The following AKAP6 variants were observed in gnomAD, a reference collection of about 807,000 sequenced individuals.
AKAP6 encodes A-kinase anchoring protein 6.
In AKAP6, 58 loss-of-function variants were observed where a neutral mutation model predicts 188.5. The observed-to-expected ratio is 0.31, with a 90% CI of 0.25 to 0.38. The LOEUF (loss-of-function observed/expected upper bound fraction) is 0.38. AKAP6 is among the 10% of genes least tolerant of loss of function. The pLI, the probability that AKAP6 is intolerant of heterozygous loss-of-function variation, is 1.00. For missense variants in AKAP6, 2,710 were observed against 2,740.0 expected, an observed-to-expected ratio of 0.99 and a Z score of 0.24; for synonymous variants, 989 against 998.6, an observed-to-expected ratio of 0.99 and a Z score of 0.18.
At chr14:32,733,889 G>A (rs1274440101) in intron 10 of AKAP6, 1 of 152,250 alleles carries the variant, frequency 6.6e-6, no homozygotes, top group African/African-American at 2.4e-5. Context: ...GCTTGATAAA[G>A]TAGCGATAAG....
intron 1 of AKAP6, among the ~76,000 whole-genome samples, chr14:32,427,138 T>A (rs1171913031): frequency 2.0e-5 from 3 of 152,194 alleles, no homozygotes; most frequent in African/African-American, 7.2e-5. Context: ...TGACGTGCTG[T>A]TTCCCCCCTG....
chr14:32,608,295 A>G (rs1285493744), intron 7 of AKAP6, among the ~76,000 whole-genome samples: 3 of 151,542 alleles, frequency 2.0e-5, no homozygotes, highest in African/African-American at 7.3e-5. Flanking sequence ...CCATGAGGTC[A>G]GGAGACAAGC....
intron 2 of AKAP6, among the ~76,000 whole-genome samples, chr14:32,520,058 A>T: frequency 6.6e-6 from 1 of 152,236 alleles, no homozygotes. Flanking sequence ...AAAACTGCTC[A>T]ACTACATGGA....
chr14:32,740,704 G>A (rs975898102), intron 11 of AKAP6, among the ~76,000 whole-genome samples: 6 of 151,856 alleles, frequency 4.0e-5, no homozygotes, highest in African/African-American at 1.5e-4. Flanking sequence ...TCATTTTTGG[G>A]TTCTCTGTTC....
intron 9 of AKAP6, among the ~76,000 whole-genome samples, chr14:32,714,823 A>T (rs1409894422): frequency 1.3e-5 from 2 of 151,834 alleles, no homozygotes; most frequent in African/African-American, 4.8e-5. Context: ...ATTGTGGTAC[A>T]CACATTGGTA....
intron 11 of AKAP6, 21 bp downstream of exon 11, chr14:32,735,903 G>T: frequency 1.9e-6 from 3 of 1,549,228 alleles, no homozygotes; most frequent in Non-Finnish European, 2.6e-6. Context: ...AACAATCAAA[G>T]TTGATAAAAA....
At chr14:32,549,571 A>G (rs540566818) in intron 4 of AKAP6, among the ~76,000 whole-genome samples, 12 of 152,336 alleles carry the variant, frequency 7.9e-5, no homozygotes, top group African/African-American at 2.9e-4. Flanking sequence ...CGCCAAGGCA[A>G]TTAGAATTTG....
chr14:32,369,758 G>A (rs775435230), intron 1 of AKAP6, among the ~76,000 whole-genome samples: 2 of 152,180 alleles, frequency 1.3e-5, no homozygotes, highest in African/African-American at 4.8e-5. Flanking sequence ...AAAACAAAAT[G>A]TGTAAGTTCC....
chr14:32,738,872 T>C (rs1433041585), intron 11 of AKAP6, among the ~76,000 whole-genome samples: 1 of 152,112 alleles, frequency 6.6e-6, no homozygotes, highest in Admixed American at 6.6e-5. Context: ...ACAGACAATA[T>C]CTAAATGAAT....
chr14:32,335,429 C>T (rs1486661022), intron 1 of AKAP6, among the ~76,000 whole-genome samples: 6 of 152,118 alleles, frequency 3.9e-5, no homozygotes, highest in African/African-American at 1.4e-4. Flanking sequence ...TTCAGACTCC[C>T]CACTTCCTCC....
Position 32,753,868 on chromosome 14 carries a change from A to G in AKAP6, c.3372+17986A>G, listed in dbSNP as rs79024259. ...TATTTTGGGGCTCTCTCTTCTGTTC[A>G]GTTGGACTACATGTGTTTGTTTTTA... On this transcript the variant is annotated intron_variant, in intron 11 of 13. Transcript: ENST00000280979. Among the ~76,000 whole-genome samples, 1,193 of 152,106 alleles carry G rather than the reference A, an allele frequency of 7.8e-3. 9 individuals are homozygous for G. Among genetic ancestry groups the G allele is most frequent in the African/African-American group, 0.027 (1,134 of 41,524 alleles).
At chr14:32,803,758 C>G (rs1006374560) in intron 12 of AKAP6, among the ~76,000 whole-genome samples, 9 of 152,222 alleles carry the variant, frequency 5.9e-5, no homozygotes, top group African/African-American at 2.2e-4. Flanking sequence ...GAGCTCTAAA[C>G]ACATACATAC....
chr14:32,721,497 A>T (rs2030534291), intron 9 of AKAP6, among the ~76,000 whole-genome samples: 1 of 152,250 alleles, frequency 6.6e-6, no homozygotes, highest in Admixed American at 6.5e-5. Flanking sequence ...TATTTATCAG[A>T]TAAAAAGACT....
At chr14:32,647,609 A>G (rs141539299) in intron 7 of AKAP6, among the ~76,000 whole-genome samples, 1,752 of 152,210 alleles carry the variant, frequency 0.012, 16 homozygotes, top group South Asian at 0.022. Context: ...CTGATAATGA[A>G]TAAGACAGGA....
chr14:32,740,831 G>A (rs553295534), intron 11 of AKAP6, among the ~76,000 whole-genome samples: 63 of 152,056 alleles, frequency 4.1e-4, no homozygotes, highest in Admixed American at 1.6e-3. Flanking sequence ...CCTCAGGATA[G>A]CTTTAGCTAT....
intron 8 of AKAP6, among the ~76,000 whole-genome samples, chr14:32,685,718 C>G (rs1889892507): frequency 7.9e-6 from 1 of 126,056 alleles, no homozygotes; most frequent in African/African-American, 3.0e-5. Flanking sequence ...GAGCGAGACT[C>G]CATCTCAAAA....
At chr14:32,454,080 G>T (rs1891038478) in intron 2 of AKAP6, among the ~76,000 whole-genome samples, 1 of 152,054 alleles carries the variant, frequency 6.6e-6, no homozygotes, top group Non-Finnish European at 1.5e-5. Context: ...AGTACGGATG[G>T]CCTCAAGTTA....
chr14:32,823,306 A>G lies in AKAP6; in HGVS notation c.5493A>G (p.Ile1831Met), dbSNP rs1375262246. The change falls in exon 13 of 14, where the codon ATA becomes ATG. Residue 1831 changes from isoleucine to methionine, a missense_variant. Ile to Met is a conservative substitution (Grantham distance 10). Coordinates refer to ENST00000280979, the MANE Select transcript of AKAP6 (RefSeq NM_004274.5). ...ATGAGATGAAGGGCAGTAAAGATAT[A>G]AGTAGCAGTGAGATGACCAATCCCT... Reference protein sequence around the residue: ...VSDEMKGSKDISSSEMTNPSD... With the variant: ...VSDEMKGSKDMSSSEMTNPSD... The G allele has an allele frequency of 6.2e-7, 1 of 1,613,796 alleles. No individual in the cohort carries two copies. Among genetic ancestry groups the G allele is most frequent in the East Asian group, 2.2e-5 (1 of 44,892 alleles).
At chr14:32,595,954 ATATT>A (rs1170548609) in intron 5 of AKAP6, among the ~76,000 whole-genome samples, 3 of 152,220 alleles carry the variant, frequency 2.0e-5, no homozygotes, top group South Asian at 2.1e-4. Context: ...TACTCAATAA[ATATT>A]TATTATATGA....
Sources: gnomAD v4.1 joint callset for allele counts (sites outside exome capture counted in the v4.1 genomes callset) on GRCh38, gnomAD v4.1.1 for gene constraint, MANE v1.5 for transcripts, NCBI Gene and HGNC (gene_info 2026-07-23, HGNC 2026-07-21) for gene names.